Variants in AGBL4 observed in about 807,000 individuals in gnomAD.
AGBL4 encodes AGBL carboxypeptidase 4.
AGBL4 carries 58 observed loss-of-function variants against 66.4 expected under a neutral mutation model. The ratio of observed to expected loss-of-function variants is 0.87; its 90% CI spans 0.71 to 1.09. The LOEUF (loss-of-function observed/expected upper bound fraction) is 1.09. Among genes scored for constraint, AGBL4 ranks in the 50% least tolerant of loss-of-function variants. The probability of loss-of-function intolerance (pLI) is 0.00; values close to 1 mark genes in which losing one functional copy is unlikely to be tolerated. For synonymous variants in AGBL4, 234 were observed against 222.9 expected (o/e 1.05, Z -0.44); for missense variants, 579 against 631.0 (o/e 0.92, Z 0.88).
intron 6 of AGBL4, among the ~76,000 whole-genome samples, chr1:48,700,040 A>G (rs996869270): frequency 2.6e-5 from 4 of 152,102 alleles, no homozygotes; most frequent in African/African-American, 9.7e-5. Context: ...TGGCCTCCCA[A>G]AGTGCTGGGA....
chr1:48,633,487 A>G (rs1645622606), intron 9 of AGBL4, among the ~76,000 whole-genome samples: 1 of 152,160 alleles, frequency 6.6e-6, no homozygotes, highest in Non-Finnish European at 1.5e-5. Flanking sequence ...AGGGACTCAA[A>G]TGGAATTTCA....
chr1:49,950,003 T>A (rs1481016771), intron 1 of AGBL4, among the ~76,000 whole-genome samples: 38 of 86,558 alleles, frequency 4.4e-4, no homozygotes, highest in Non-Finnish European at 8.6e-4. Context: ...TATGTGTATA[T>A]ATATATACAC....
intron 1 of AGBL4, among the ~76,000 whole-genome samples, chr1:49,998,620 A>G (rs1660526739): frequency 6.6e-6 from 1 of 152,086 alleles, no homozygotes; most frequent in Non-Finnish European, 1.5e-5. Context: ...CAAAACCAGG[A>G]AAGGACATAA....
At chr1:48,579,794 T>C (rs965814355) in intron 11 of AGBL4, among the ~76,000 whole-genome samples, 1 of 149,150 alleles carries the variant, frequency 6.7e-6, no homozygotes, top group Admixed American at 6.6e-5. Context: ...GGCGGGCGCC[T>C]GTAGTCCCAG....
At chr1:49,463,960 T>C (rs1026481606) in intron 3 of AGBL4, among the ~76,000 whole-genome samples, 1 of 151,784 alleles carries the variant, frequency 6.6e-6, no homozygotes, top group Non-Finnish European at 1.5e-5. Flanking sequence ...ATTTCCAGCA[T>C]CTGGTACAGT....
intron 3 of AGBL4, among the ~76,000 whole-genome samples, chr1:49,255,771 T>G (rs931208983): frequency 5.9e-5 from 9 of 152,110 alleles, no homozygotes; most frequent in Admixed American, 3.3e-4. Context: ...TAAATGCCCA[T>G]CAATGATAGA....
At chr1:48,969,161 A>G (rs1571125765) in intron 5 of AGBL4, among the ~76,000 whole-genome samples, 1 of 130,008 alleles carries the variant, frequency 7.7e-6, no homozygotes, top group African/African-American at 3.0e-5. Context: ...CTCTTTCATT[A>G]AATTAGGAAC....
intron 5 of AGBL4, among the ~76,000 whole-genome samples, chr1:49,003,428 TAAATA>T (rs992607968): frequency 2.6e-5 from 4 of 151,782 alleles, no homozygotes; most frequent in Non-Finnish European, 4.4e-5. Flanking sequence ...TACAAATAAA[TAAATA>T]AAATAAAATA....
At chr1:48,527,847 A>C in the AGBL4 span, among the ~76,000 whole-genome samples, 1 of 152,268 alleles carries the variant, frequency 6.6e-6, no homozygotes, top group East Asian at 1.9e-4. Flanking sequence ...AAGACACAAA[A>C]GTCGGATGAT....
intron 3 of AGBL4, among the ~76,000 whole-genome samples, chr1:49,495,628 A>G (rs1647484696): frequency 6.6e-6 from 1 of 152,034 alleles, no homozygotes; most frequent in South Asian, 2.1e-4. Context: ...AAATAACAAT[A>G]ACAATAGTAA....
chr1:49,892,435 G>T (rs981672344), intron 1 of AGBL4, among the ~76,000 whole-genome samples: 1 of 152,196 alleles, frequency 6.6e-6, no homozygotes, highest in Middle Eastern at 3.4e-3. Flanking sequence ...TCTACTTAGT[G>T]TGCTAAATTA....
intron 5 of AGBL4, among the ~76,000 whole-genome samples, chr1:48,943,318 C>T (rs145298415): frequency 6.6e-6 from 1 of 152,284 alleles, no homozygotes; most frequent in Admixed American, 6.5e-5. Flanking sequence ...AATTTGCAAG[C>T]GCCTTCACTC....
intron 4 of AGBL4, 133 bp from the exon 5 acceptor site, chr1:49,045,933 C>T (rs1644068801): frequency 5.4e-6 from 4 of 738,226 alleles, no homozygotes; most frequent in Non-Finnish European, 8.7e-6. Flanking sequence ...GGGAGAATGA[C>T]AACACAAACC....
intron 3 of AGBL4, among the ~76,000 whole-genome samples, chr1:49,378,460 A>T (rs1444789012): frequency 6.6e-6 from 1 of 152,116 alleles, no homozygotes; most frequent in Non-Finnish European, 1.5e-5. Context: ...TAGGAATAGT[A>T]TCCGAGGAGA....
Position 48,615,775 on chromosome 1 carries a change from T to G in AGBL4, c.951+18718A>C, listed in dbSNP as rs375004557. On this transcript the variant is annotated intron_variant, in intron 9 of 13. Coordinates refer to ENST00000371839, the MANE Select transcript of AGBL4 (RefSeq NM_032785.4). Reference sequence around the variant, plus strand: ...AAATGGGGTCTCAGTTTGTTTGTGCTGCTATGATAAAATACCTGAGGCTGG... The same window carrying G: ...AAATGGGGTCTCAGTTTGTTTGTGCGGCTATGATAAAATACCTGAGGCTGG... Among the ~76,000 whole-genome samples the G allele has an allele frequency of 3.5e-4, 54 of 152,344 alleles. No homozygotes were observed. The South Asian group carries it at 0.011, about 31-fold the overall frequency.
chr1:49,439,096 C>A (rs897762956), intron 3 of AGBL4, among the ~76,000 whole-genome samples: 2 of 152,138 alleles, frequency 1.3e-5, no homozygotes, highest in African/African-American at 2.4e-5. Flanking sequence ...ATAGCACACA[C>A]CAGTGCAGGT....
chr1:49,156,969 T>A lies in AGBL4; in HGVS notation c.377+88801A>T, dbSNP rs185928525. On this transcript the variant is annotated intron_variant, in intron 4 of 13. Transcript: ENST00000371839. ...TGGAACAAAGAAACAACTAAAATAATTTGATTTAATTTAGATTAATTGGTT... is the reference window on the plus strand; with the variant it reads ...TGGAACAAAGAAACAACTAAAATAAATTGATTTAATTTAGATTAATTGGTT... Among the ~76,000 whole-genome samples the A allele has an allele frequency of 4.3e-3, 658 of 152,280 alleles. 5 individuals carry two copies. The highest frequency in any genetic ancestry group is 0.014 in the Admixed American group (213 of 15,282).
chr1:48,528,285 A>G (rs1329460558), downstream of AGBL4, among the ~76,000 whole-genome samples: 4 of 152,152 alleles, frequency 2.6e-5, no homozygotes, highest in Admixed American at 2.6e-4. Context: ...GGAGAAAGAC[A>G]TAAAGGAGTT....
At chr1:49,378,471 G>A (rs1933442) in intron 3 of AGBL4, among the ~76,000 whole-genome samples, 2,692 of 152,124 alleles carry the variant, frequency 0.018, 72 homozygotes, top group African/African-American at 0.061. Context: ...TCCGAGGAGA[G>A]AGACCACTGA....
Sources: gnomAD v4.1 joint callset for allele counts (sites outside exome capture counted in the v4.1 genomes callset) on GRCh38, gnomAD v4.1.1 for gene constraint, MANE v1.5 for transcripts, NCBI Gene and HGNC (gene_info 2026-07-23, HGNC 2026-07-21) for gene names.